Variants in TYW1B observed in about 807,000 individuals in gnomAD.
TYW1B encodes the protein S-adenosyl-L-methionine-dependent tRNA 4-demethylwyosine synthase TYW1B.
TYW1B carries 73 observed loss-of-function variants against 86.9 expected under a neutral mutation model. The observed-to-expected ratio is 0.84, with a 90% CI of 0.70 to 1.02. The LOEUF is 1.02. Ranked by LOEUF, TYW1B falls within the 50% of genes least tolerant of loss-of-function variation. The probability of loss-of-function intolerance (pLI) is 0.00; values close to 1 mark genes in which losing one functional copy is unlikely to be tolerated. For missense variants in TYW1B, 637 were observed against 827.4 expected, an observed-to-expected ratio of 0.77 and a Z score of 2.82; for synonymous variants, 248 against 292.8, an observed-to-expected ratio of 0.85 and a Z score of 1.56.
At chr7:72,765,111 T>C (rs1338590335) in intron 7 of TYW1B, among the ~76,000 whole-genome samples, 1 of 152,182 alleles carries the variant, frequency 6.6e-6, no homozygotes, top group Non-Finnish European at 1.5e-5. Flanking sequence ...AAATGTGCAT[T>C]GAATGCCTGG....
chr7:72,624,374 T>C (rs149702240), intron 12 of TYW1B, among the ~76,000 whole-genome samples: 2,755 of 152,340 alleles, frequency 0.018, 84 homozygotes, highest in African/African-American at 0.062. Context: ...ATCTGACAGA[T>C]ATCCTTCCAT....
intron 6 of TYW1B, among the ~76,000 whole-genome samples, chr7:72,783,043 A>G (rs1377226342): frequency 6.6e-6 from 1 of 152,214 alleles, no homozygotes; most frequent in Non-Finnish European, 1.5e-5. Flanking sequence ...AGCTATTTCT[A>G]GACCCAGACA....
intron 12 of TYW1B, among the ~76,000 whole-genome samples, chr7:72,624,912 G>C (rs1812305112): frequency 6.6e-6 from 1 of 151,908 alleles, no homozygotes; most frequent in Non-Finnish European, 1.5e-5. Context: ...TACAAAAATT[G>C]GCCAAGCGTG....
In TYW1B at chr7:72,575,621, G is replaced by C; in HGVS notation, c.1884C>G (p.Ser628Arg). 2 of 1,613,682 alleles carry C rather than the reference G, an allele frequency of 1.2e-6. No homozygotes were observed. The highest frequency in any genetic ancestry group is 1.7e-6 in the Non-Finnish European group (2 of 1,179,836). ...YEDSGGSKTF[S>R]AKDYMARTPH... ...GAGTTCTGGCCATATAATCCTTTGC[G>C]CTGAACGTTTTTGATCCACCACTAT... Residue 628 changes from serine to arginine, a missense_variant, in exon 14 of 14, where the codon AGC becomes AGG. Coordinates refer to ENST00000620995, the MANE Select transcript of TYW1B (RefSeq NM_001145440.3).
chr7:72,711,564 G>C (rs1480659092), intron 10 of TYW1B, among the ~76,000 whole-genome samples: 30 of 120,722 alleles, frequency 2.5e-4, no homozygotes, highest in Non-Finnish European at 4.3e-4. Context: ...CCGCCTCCCA[G>C]GTTCTCACCA....
intron 13 of TYW1B, among the ~76,000 whole-genome samples, chr7:72,578,306 G>A (rs1285436923): frequency 3.3e-5 from 5 of 151,896 alleles, no homozygotes; most frequent in Admixed American, 2.0e-4. Flanking sequence ...TAATAGAGAC[G>A]GGGTTTCACC....
At chr7:72,689,502 G>C (rs1365407601) in intron 11 of TYW1B, among the ~76,000 whole-genome samples, 2 of 152,090 alleles carry the variant, frequency 1.3e-5, no homozygotes, top group Non-Finnish European at 2.9e-5. Context: ...GTGACTGTCA[G>C]GCCTCTAGGA....
chr7:72,682,234 A>T (rs1813892605), intron 11 of TYW1B, among the ~76,000 whole-genome samples: 1 of 152,282 alleles, frequency 6.6e-6, no homozygotes, highest in Non-Finnish European at 1.5e-5. Context: ...AAAAAGTAGA[A>T]ATCAACACAC....
chr7:72,591,274 T>C (rs1811388874), intron 13 of TYW1B, among the ~76,000 whole-genome samples: 1 of 152,018 alleles, frequency 6.6e-6, no homozygotes, highest in African/African-American at 2.4e-5. Flanking sequence ...GAGAGAATGC[T>C]TGAAGAAATA....
At chr7:72,679,042 C>T (rs1258357513) in intron 11 of TYW1B, among the ~76,000 whole-genome samples, 60 of 152,014 alleles carry the variant, frequency 3.9e-4, no homozygotes, top group African/African-American at 1.3e-3. Flanking sequence ...GTTGAGACTG[C>T]AGTGAGCCGT....
intron 11 of TYW1B, among the ~76,000 whole-genome samples, chr7:72,658,812 C>A (rs557220006): frequency 4.4e-4 from 67 of 152,246 alleles, no homozygotes; most frequent in Non-Finnish European, 5.9e-4. Context: ...CCTCCACCTC[C>A]CGTGTTCAAG....
rs553841211 is a variant in TYW1B at position 72,691,042 on chromosome 7, T to C, written c.1506+3645A>G. 2.3e-4 allele frequency among the ~76,000 whole-genome samples: 35 copies of C among 152,334 alleles called. 1 individual carries two copies. In the East Asian group the frequency reaches 5.4e-3, roughly 23 times the overall value. On this transcript the variant is annotated intron_variant, in intron 11 of 13. Transcript: ENST00000620995. Reference sequence around the variant, plus strand: ...TGCTGGGAATACCGGCGTGAGCCACTGCGCCCAGCCAGCATTTGAGTTTTT... The same window carrying C: ...TGCTGGGAATACCGGCGTGAGCCACCGCGCCCAGCCAGCATTTGAGTTTTT...
chr7:72,633,962 G>A (rs1398661813), intron 11 of TYW1B, among the ~76,000 whole-genome samples: 3 of 152,074 alleles, frequency 2.0e-5, no homozygotes, highest in Non-Finnish European at 4.4e-5. Flanking sequence ...CAGTGAATTC[G>A]ATGTTTGCAA....
chr7:72,654,839 C>T (rs1813160284), intron 11 of TYW1B, among the ~76,000 whole-genome samples: 1 of 152,124 alleles, frequency 6.6e-6, no homozygotes, highest in South Asian at 2.1e-4. Context: ...CGAGATTGTG[C>T]CATTGCACTC....
intron 7 of TYW1B, among the ~76,000 whole-genome samples, chr7:72,754,362 C>T (rs557009271): frequency 2.6e-5 from 4 of 152,104 alleles, no homozygotes; most frequent in South Asian, 2.1e-4. Flanking sequence ...AGGCTGGTCT[C>T]GAACTCCTGA....
chr7:72,815,559 G>T, intron 2 of TYW1B, 78 bp from the exon 3 acceptor site: 2 of 1,281,152 alleles, frequency 1.6e-6, no homozygotes, highest in African/African-American at 1.5e-5. Flanking sequence ...GTTGGCACAA[G>T]AATGTGGCAT....
At chr7:72,755,774 A>G (rs868939739) in intron 7 of TYW1B, among the ~76,000 whole-genome samples, 1 of 152,220 alleles carries the variant, frequency 6.6e-6, no homozygotes. Flanking sequence ...ATCCACAAAT[A>G]ATAGCAACAG....
intron 13 of TYW1B, among the ~76,000 whole-genome samples, chr7:72,604,335 G>A (rs370925079): frequency 2.6e-5 from 4 of 152,002 alleles, no homozygotes; most frequent in South Asian, 2.1e-4. Context: ...GGTGGCGTGC[G>A]CTTGTAATCC....
At chr7:72,791,496 G>C (rs1554473424) in intron 6 of TYW1B, among the ~76,000 whole-genome samples, 2 of 152,098 alleles carry the variant, frequency 1.3e-5, no homozygotes, top group African/African-American at 4.8e-5. Flanking sequence ...CAATAGAACA[G>C]GACGGGCACA....
Sources: gnomAD v4.1 joint callset for allele counts (sites outside exome capture counted in the v4.1 genomes callset) on GRCh38, gnomAD v4.1.1 for gene constraint, MANE v1.5 for transcripts, NCBI Gene and HGNC (gene_info 2026-07-23, HGNC 2026-07-21) for gene names.